Variants in CDH11 observed in about 807,000 individuals in gnomAD.
CDH11 encodes cadherin-11.
CDH11 carries 11 observed loss-of-function variants against 67.8 expected under a neutral mutation model. The observed-to-expected ratio is 0.16, with a 90% CI of 0.10 to 0.27. The LOEUF (loss-of-function observed/expected upper bound fraction) is 0.27, where lower values mean the gene tolerates loss of function less well. Among genes scored for constraint, CDH11 ranks in the 10% least tolerant of loss-of-function variants. The pLI, the probability that CDH11 is intolerant of heterozygous loss-of-function variation, is 1.00. For missense variants in CDH11, 847 were observed against 1,031.2 expected (o/e 0.82, Z 2.45); for synonymous variants, 419 against 400.0 (o/e 1.05, Z -0.57).
intron 2 of CDH11, among the ~76,000 whole-genome samples, chr16:65,037,830 A>G (rs1413996063): frequency 6.6e-6 from 1 of 152,060 alleles, no homozygotes; most frequent in African/African-American, 2.4e-5. Context: ...AAAGAAGCAA[A>G]GAGAAACACA....
intron 1 of CDH11, among the ~76,000 whole-genome samples, chr16:65,078,159 G>A (rs974159994): frequency 5.9e-5 from 9 of 152,206 alleles, no homozygotes; most frequent in Non-Finnish European, 4.4e-5. Context: ...ATATGGAAAA[G>A]TCAAAGAAAC....
At chr16:65,051,576 G>T (rs2074056762) in intron 2 of CDH11, among the ~76,000 whole-genome samples, 1 of 152,104 alleles carries the variant, frequency 6.6e-6, no homozygotes. Context: ...TTGGATCTGT[G>T]CGTCCACCCA....
At position 64,945,148 on chromosome 16, in the gene CDH11, C is replaced by T. The variant is rs1160212962; in HGVS notation, c.*2455G>A. ...CATAGATGGTATAAAACAGTGATTACTTTAGAATAAGGAAGGACCGTTTAA... is the reference window on the plus strand; with the variant it reads ...CATAGATGGTATAAAACAGTGATTATTTTAGAATAAGGAAGGACCGTTTAA... On this transcript the variant is annotated 3_prime_UTR_variant, in exon 13 of 13. Coordinates refer to ENST00000268603, the MANE Select transcript of CDH11 (RefSeq NM_001797.4). 3.1e-5 allele frequency: 6 copies of T among 195,678 alleles called. No homozygotes were observed. Among genetic ancestry groups the T allele is most frequent in the Non-Finnish European group, 6.3e-5 (6 of 94,530 alleles). 12.1% of individuals were successfully genotyped at this position (195,678 alleles called of 1,614,324 possible). A position where few individuals can be genotyped will look rare whatever the true frequency, so the allele number is the denominator to read the frequency against.
intron 11 of CDH11, among the ~76,000 whole-genome samples, chr16:64,965,771 AACACACAC>A (rs55992835): frequency 0.16 from 23,109 of 145,772 alleles, 2,252 homozygotes; most frequent in East Asian, 0.39. Context: ...CGGTGCATGA[AACACACAC>A]ACACACACAC....
At chr16:65,028,698 G>A (rs1199372390) in intron 2 of CDH11, among the ~76,000 whole-genome samples, 2 of 152,050 alleles carry the variant, frequency 1.3e-5, no homozygotes, top group African/African-American at 4.8e-5. Flanking sequence ...AATATTTCAT[G>A]AGCTTGCACA....
At position 64,946,940 on chromosome 16, in the gene CDH11, A is replaced by G; in HGVS notation, c.*663T>C. On this transcript the variant is annotated 3_prime_UTR_variant, in exon 13 of 13. Coordinates refer to ENST00000268603, the MANE Select transcript of CDH11 (RefSeq NM_001797.4). ...CGTATACTAAAATAAGAACTTTAAA[A>G]TTGTACAAATAGATACATTAAAAAT... 1.1e-6 allele frequency: 1 copy of G among 886,428 alleles called. No individual in the cohort carries two copies. The allele number at this position is 886,428 out of a possible 1,614,324, so 54.9% of individuals were successfully genotyped here.
intron 1 of CDH11, among the ~76,000 whole-genome samples, chr16:65,096,251 C>T (rs1915116): frequency 0.89 from 135,349 of 152,124 alleles, 60,295 homozygotes; most frequent in East Asian, 1. Flanking sequence ...AATCTGCTAG[C>T]GCCTTGATCT....
chr16:64,945,988 A>G lies in CDH11; in HGVS notation c.*1615T>C. On this transcript the variant is annotated 3_prime_UTR_variant, in exon 13 of 13. Coordinates refer to ENST00000268603, the MANE Select transcript of CDH11 (RefSeq NM_001797.4). ...GTTTTGACCTTTGGCCCAACTGAAC[A>G]GGTGAAATGCCCTTCACATAAGTTT... 1 of 1,058,534 alleles carries G rather than the reference A, an allele frequency of 9.4e-7. No homozygotes were observed. Among genetic ancestry groups the G allele is most frequent in the African/African-American group, 1.6e-5 (1 of 60,798 alleles). 65.6% of individuals were successfully genotyped at this position (1,058,534 alleles called of 1,614,324 possible). A position where few individuals can be genotyped will look rare whatever the true frequency, so the allele number is the denominator to read the frequency against.
chr16:65,088,451 G>T (rs1464633419), intron 1 of CDH11, among the ~76,000 whole-genome samples: 1 of 152,068 alleles, frequency 6.6e-6, no homozygotes, highest in Non-Finnish European at 1.5e-5. Context: ...TTAAAATATA[G>T]ATTGTGATTT....
intron 1 of CDH11, among the ~76,000 whole-genome samples, chr16:65,108,446 G>C (rs2142874979): frequency 6.6e-6 from 1 of 152,268 alleles, no homozygotes; most frequent in Admixed American, 6.5e-5. Context: ...TTTATAAAGT[G>C]CTTTGTAAGC....
At chr16:65,105,433 AC>A (rs1316443037) in intron 1 of CDH11, among the ~76,000 whole-genome samples, 1 of 152,064 alleles carries the variant, frequency 6.6e-6, no homozygotes, top group African/African-American at 2.4e-5. Flanking sequence ...AACACAAGAT[AC>A]CTCCCAGGGC....
chr16:65,092,789 A>T (rs2074814230), intron 1 of CDH11, among the ~76,000 whole-genome samples: 1 of 152,056 alleles, frequency 6.6e-6, no homozygotes, highest in South Asian at 2.1e-4. Flanking sequence ...TTTTCCAAAA[A>T]AAAAAAAAAA....
chr16:65,103,702 T>C (rs1754249556), intron 1 of CDH11, among the ~76,000 whole-genome samples: 1 of 152,208 alleles, frequency 6.6e-6, no homozygotes, highest in African/African-American at 2.4e-5. Context: ...TTGTAAGGTA[T>C]CCACTAGCTG....
chr16:64,988,725 G>A (rs2072554705), intron 6 of CDH11, among the ~76,000 whole-genome samples: 1 of 152,042 alleles, frequency 6.6e-6, no homozygotes, highest in Non-Finnish European at 1.5e-5. Flanking sequence ...TTAACTCCAA[G>A]GCTCACTTAT....
At chr16:65,008,024 C>T (rs1388000235) in intron 2 of CDH11, among the ~76,000 whole-genome samples, 1 of 152,164 alleles carries the variant, frequency 6.6e-6, no homozygotes, top group South Asian at 2.1e-4. Context: ...GTATTAAATG[C>T]TCATTCACAG....
At position 65,061,961 on chromosome 16, in the gene CDH11, G is replaced by A. The variant is rs542745832; in HGVS notation, c.-297-8033C>T. ...TTGGAGCACAAAAAGACGGAGTAAAGTTGCCCTCAATCACAAAGCCACTCA... is the reference window on the plus strand; with the variant it reads ...TTGGAGCACAAAAAGACGGAGTAAAATTGCCCTCAATCACAAAGCCACTCA... On this transcript the variant is annotated intron_variant, in intron 1 of 12. Coordinates refer to ENST00000268603, the MANE Select transcript of CDH11 (RefSeq NM_001797.4). Among the ~76,000 whole-genome samples, 12 of 152,272 alleles carry A rather than the reference G, an allele frequency of 7.9e-5. No individual in the cohort carries two copies. In the South Asian group the frequency reaches 2.5e-3, roughly 32 times the overall value.
intron 1 of CDH11, chr16:65,118,825 G>A (rs1177411108): frequency 6.6e-6 from 1 of 152,156 alleles, no homozygotes; most frequent in East Asian, 1.9e-4. Context: ...TCATCAAAGT[G>A]AAAACATCAA....
rs368410612 is a variant in CDH11, at chr16:64,985,940, G to T, written c.999+2217C>A. ...GTGAACTCCCTGTGGTCAAGACTCT[G>T]CCTCTTCAACTTTAGATTTCCAGCC... is the stretch of plus-strand genomic sequence containing the variant. On this transcript the variant is annotated intron_variant, in intron 7 of 12. Transcript: ENST00000268603. The T allele has an allele frequency of 2.6e-5, 4 of 151,900 alleles. No individual in the cohort carries two copies. The South Asian group carries it at 8.3e-4, about 32-fold the overall frequency. 9.4% of individuals were successfully genotyped at this position (151,900 alleles called of 1,614,324 possible). A position where few individuals can be genotyped will look rare whatever the true frequency, so the allele number is the denominator to read the frequency against.
intron 1 of CDH11, among the ~76,000 whole-genome samples, chr16:65,057,047 C>CA (rs544290045): frequency 0.019 from 2,882 of 151,126 alleles, 54 homozygotes; most frequent in Non-Finnish European, 0.026. Context: ...ATGTTTCTTA[C>CA]AAAAAAAAAT....
Sources: gnomAD v4.1 joint callset for allele counts (sites outside exome capture counted in the v4.1 genomes callset) on GRCh38, gnomAD v4.1.1 for gene constraint, MANE v1.5 for transcripts, NCBI Gene and HGNC (gene_info 2026-07-23, HGNC 2026-07-21) for gene names.